The following DEK variants were observed in gnomAD, a reference collection of about 807,000 sequenced individuals.
The protein encoded by DEK is protein DEK.
A neutral mutation model predicts 46.8 loss-of-function variants in DEK; 28 were observed. The observed-to-expected ratio is 0.60, with a 90% CI of 0.44 to 0.82. The LOEUF (loss-of-function observed/expected upper bound fraction) is 0.82. Among genes scored for constraint, DEK ranks in the 40% least tolerant of loss-of-function variants. DEK has a pLI of 0.00. For missense variants in DEK, 416 were observed against 430.6 expected (o/e 0.97, Z 0.30); for synonymous variants, 160 against 144.5 (o/e 1.11, Z -0.77).
chr6:18,262,751 T>A (rs1461446676), intron 2 of DEK, among the ~76,000 whole-genome samples: 2 of 152,252 alleles, frequency 1.3e-5, no homozygotes, highest in African/African-American at 4.8e-5. Context: ...CCAATTTTGT[T>A]GTTGTATTAA....
intron 6 of DEK, among the ~76,000 whole-genome samples, chr6:18,251,300 G>C (rs187708201): frequency 4.9e-4 from 75 of 152,274 alleles, no homozygotes; most frequent in African/African-American, 1.8e-3. Context: ...GTAAATGTTT[G>C]TGATAACTTT....
chr6:18,244,649 ATTCT>A (rs745403436), intron 7 of DEK: 1 of 997,682 alleles, frequency 1.0e-6, no homozygotes, highest in South Asian at 1.4e-5. Context: ...AAAATACACT[ATTCT>A]TTCAACAATT....
chr6:18,237,354 T>G, intron 8 of DEK, 27 bp downstream of exon 8: 1 of 1,578,810 alleles, frequency 6.3e-7, no homozygotes, highest in South Asian at 1.2e-5. Flanking sequence ...TCTTTAAAGT[T>G]GCTGATTAAT....
At chr6:18,239,357 T>TC in intron 7 of DEK, among the ~76,000 whole-genome samples, 1 of 145,224 alleles carries the variant, frequency 6.9e-6, no homozygotes, top group African/African-American at 2.5e-5. Context: ...TTTTTTTTTT[T>TC]TTTTAAAAAA....
intron 9 of DEK, among the ~76,000 whole-genome samples, chr6:18,228,782 C>T (rs1454486539): frequency 5.9e-5 from 9 of 152,224 alleles, no homozygotes; most frequent in East Asian, 1.9e-4. Context: ...ATTGCTAGCA[C>T]GGCAGTGTAA....
intron 1 of DEK, 176 bp from the exon 2 acceptor site, chr6:18,264,172 GC>G (rs1792004738): frequency 1.2e-5 from 6 of 487,184 alleles, no homozygotes; most frequent in African/African-American, 1.2e-4. Flanking sequence ...CCGCTCCGCC[GC>G]CGCCGTCCAG....
At chr6:18,240,197 TAAC>T in intron 7 of DEK, among the ~76,000 whole-genome samples, 1 of 152,328 alleles carries the variant, frequency 6.6e-6, no homozygotes, top group Non-Finnish European at 1.5e-5. Context: ...TAATAATAAA[TAAC>T]AAGCCATCTC....
At chr6:18,255,420 C>G (rs192688917) in intron 6 of DEK, among the ~76,000 whole-genome samples, 1 of 152,216 alleles carries the variant, frequency 6.6e-6, no homozygotes, top group Admixed American at 6.5e-5. Context: ...ATCCTCAGCC[C>G]AACCTCTTCC....
chr6:18,231,611 T>C (rs1487705028), intron 9 of DEK, among the ~76,000 whole-genome samples: 1 of 151,714 alleles, frequency 6.6e-6, no homozygotes, highest in African/African-American at 2.4e-5. Flanking sequence ...AACTAGAAAA[T>C]CTAGATGAAA....
In DEK at chr6:18,237,485, G is replaced by C. The variant is rs1375352328; in HGVS notation, c.794C>G (p.Pro265Arg). Reference protein sequence around the residue: ...PPKKTAKREKPKQKATSKSKK... With the variant: ...PPKKTAKREKRKQKATSKSKK... ...ACTTTTAGAAGTAGCTTTCTGTTTA[G>C]GTTTTTCTCTTTTGGCTGTCTTTTT... Residue 265 changes from proline to arginine, a missense_variant, in exon 8 of 11, where the codon CCT becomes CGT. Transcript: ENST00000652689. 6.2e-7 allele frequency: 1 copy of C among 1,602,932 alleles called. No individual in the cohort carries two copies. Among genetic ancestry groups the C allele is most frequent in the Admixed American group, 1.8e-5 (1 of 57,092 alleles).
intron 10 of DEK, 114 bp downstream of exon 10, chr6:18,226,060 G>A (rs1300614174): frequency 3.2e-6 from 3 of 932,988 alleles, no homozygotes; most frequent in Non-Finnish European, 4.5e-6. Flanking sequence ...GAAGAAATGT[G>A]AGGATCAAAT....
chr6:18,263,964 C>A lies in DEK; in HGVS notation c.24G>T (p.Ala8=), dbSNP rs759205703. The change falls in exon 2 of 11, where the codon GCG becomes GCT. Residue 8 remains alanine (A), a synonymous_variant. Coordinates refer to ENST00000652689, the MANE Select transcript of DEK (RefSeq NM_003472.4). MSASAPA[A]EGEGTPTQPA... ...GCTGGGTGGGGGTTCCCTCCCCCTC[C>A]GCAGCAGGGGCCGAGGCGGACATGC... 1.9e-6 allele frequency: 3 copies of A among 1,612,324 alleles called. No homozygotes were observed. Among genetic ancestry groups the A allele is most frequent in the Non-Finnish European group, 2.5e-6 (3 of 1,179,328 alleles).
At chr6:18,241,129 T>C (rs1037971964) in intron 7 of DEK, among the ~76,000 whole-genome samples, 1 of 152,202 alleles carries the variant, frequency 6.6e-6, no homozygotes, top group Non-Finnish European at 1.5e-5. Context: ...TCTTGTGCTT[T>C]AGTCCTGCAG....
intron 9 of DEK, among the ~76,000 whole-genome samples, chr6:18,232,725 T>C (rs558970646): frequency 1.2e-4 from 19 of 152,270 alleles, no homozygotes; most frequent in African/African-American, 4.1e-4. Context: ...CACAAACAAA[T>C]GGAAGAACAT....
chr6:18,260,695 C>G (rs1313750099), intron 2 of DEK, among the ~76,000 whole-genome samples: 1 of 152,044 alleles, frequency 6.6e-6, no homozygotes, highest in Non-Finnish European at 1.5e-5. Flanking sequence ...AGGGGTGGAA[C>G]TCTCACAGAA....
intron 6 of DEK, 139 bp from the exon 7 acceptor site, chr6:18,249,978 A>G (rs1441324557): frequency 4.0e-5 from 54 of 1,335,236 alleles, no homozygotes; most frequent in Non-Finnish European, 5.2e-5. Context: ...GCAGAGAATA[A>G]TCTTTAACCG....
chr6:18,255,704 A>G lies in DEK; in HGVS notation c.573+27T>C. 1.9e-6 allele frequency: 3 copies of G among 1,581,194 alleles called. No individual in the cohort carries two copies. In the South Asian group the frequency reaches 3.5e-5, roughly 19 times the overall value. ...TAAAGAGGCTATGAATAACTGATTT[A>G]TGAAAAAAATAAAAATTGATCCTCA... On this transcript the variant is annotated intron_variant, in intron 6 of 10. Transcript: ENST00000652689.
chr6:18,229,060 G>C (rs1790275799), intron 9 of DEK, among the ~76,000 whole-genome samples: 4 of 152,190 alleles, frequency 2.6e-5, no homozygotes, highest in African/African-American at 9.6e-5. Context: ...AGCTTCCAGA[G>C]GAAGGATCAG....
At chr6:18,234,930 T>C (rs1430133203) in intron 9 of DEK, among the ~76,000 whole-genome samples, 3 of 152,328 alleles carry the variant, frequency 2.0e-5, no homozygotes, top group Middle Eastern at 3.4e-3. Flanking sequence ...CGTCTCCTAA[T>C]TGCAGACTCC....
Sources: allele counts gnomAD v4.1 joint callset (sites outside exome capture counted in the v4.1 genomes callset), GRCh38; gene constraint gnomAD v4.1.1; transcripts MANE v1.5; gene names NCBI Gene and HGNC (gene_info 2026-07-23, HGNC 2026-07-21).